ADCY2: variants seen among roughly 807,000 people sequenced by gnomAD.
ADCY2 encodes the protein adenylate cyclase 2.
ADCY2 carries 31 observed loss-of-function variants against 125.2 expected under a neutral mutation model. The ratio of observed to expected loss-of-function variants is 0.25; its 90% CI spans 0.19 to 0.33. The LOEUF is 0.33. Among genes scored for constraint, ADCY2 ranks in the 10% least tolerant of loss-of-function variants. ADCY2 has a pLI of 1.00. For synonymous variants in ADCY2, 512 were observed against 548.4 expected (o/e 0.93, Z 0.93); for missense variants, 904 against 1,418.2 (o/e 0.64, Z 5.82).
chr5:7,673,584 G>A (rs1740014149), intron 4 of ADCY2, among the ~76,000 whole-genome samples: 2 of 152,106 alleles, frequency 1.3e-5, no homozygotes. Context: ...TGCCCTGCAG[G>A]ATGCATAGCA....
At chr5:7,777,307 C>T (rs1453396245) in intron 18 of ADCY2, among the ~76,000 whole-genome samples, 1 of 152,180 alleles carries the variant, frequency 6.6e-6, no homozygotes, top group Admixed American at 6.5e-5. Context: ...TCTTCTGAAT[C>T]ATGCAGAAGA....
intron 3 of ADCY2, among the ~76,000 whole-genome samples, chr5:7,549,777 C>A (rs1406087260): frequency 6.6e-6 from 1 of 152,166 alleles, no homozygotes; most frequent in African/African-American, 2.4e-5. Flanking sequence ...AGTCCCCCGA[C>A]AAGAGGCCAG....
chr5:7,792,217 CAAAAAAAAAAAAA>C (rs57224712), intron 20 of ADCY2, among the ~76,000 whole-genome samples: 24 of 99,446 alleles, frequency 2.4e-4, no homozygotes, highest in Non-Finnish European at 3.8e-4. Context: ...ACTAAAAATA[CAAAAAAAAAAAAA>C]AAAAAAAAAA....
Position 7,653,880 on chromosome 5 carries a change from A to T in ADCY2, c.720+27564A>T, listed in dbSNP as rs150636112. 1,209 of 238,432 alleles carry T rather than the reference A, an allele frequency of 5.1e-3. 14 individuals are homozygous for T. Among genetic ancestry groups the T allele is most frequent in the African/African-American group, 0.025 (1,121 of 44,716 alleles). The allele number at this position is 238,432 out of a possible 1,614,324, so 14.8% of individuals were successfully genotyped here. On this transcript the variant is annotated intron_variant, in intron 4 of 24. Coordinates refer to ENST00000338316, the MANE Select transcript of ADCY2 (RefSeq NM_020546.3). ...AATATCATGAGCTTTCAAAAATTAT[A>T]AATTCTTACCACTCCTGGGGGAGGA... is the stretch of plus-strand genomic sequence containing the variant.
At chr5:7,752,742 GCT>G (rs1209894782) in intron 15 of ADCY2, among the ~76,000 whole-genome samples, 2 of 151,836 alleles carry the variant, frequency 1.3e-5, no homozygotes, top group African/African-American at 4.8e-5. Flanking sequence ...AGAGAAGCTG[GCT>G]GATATTTTTG....
chr5:7,574,180 T>A (rs2126604718), intron 3 of ADCY2, among the ~76,000 whole-genome samples: 1 of 121,944 alleles, frequency 8.2e-6, no homozygotes, highest in East Asian at 2.2e-4. Context: ...TTTGGGTTGG[T>A]TCCAAGTCTT....
chr5:7,736,936 G>A (rs1000699271), intron 14 of ADCY2, among the ~76,000 whole-genome samples: 8 of 152,046 alleles, frequency 5.3e-5, no homozygotes, highest in Non-Finnish European at 1.5e-5. Flanking sequence ...AAAAATTAGA[G>A]TATGGCATAA....
intron 14 of ADCY2, among the ~76,000 whole-genome samples, chr5:7,735,508 T>C (rs746537320): frequency 9.2e-5 from 14 of 152,170 alleles, no homozygotes; most frequent in Non-Finnish European, 1.6e-4. Context: ...ATTTTATTAA[T>C]AGTTTGTTGA....
chr5:7,611,246 T>G (rs1295140577), intron 3 of ADCY2: 2 of 152,206 alleles, frequency 1.3e-5, no homozygotes, highest in Admixed American at 1.3e-4. Context: ...ATAAGAAATA[T>G]ATTAAATGTT....
intron 2 of ADCY2, among the ~76,000 whole-genome samples, chr5:7,444,606 A>G (rs377453397): frequency 3.3e-5 from 5 of 152,268 alleles, no homozygotes; most frequent in African/African-American, 1.2e-4. Flanking sequence ...CAATGCTACA[A>G]TGAATAATTT....
intron 2 of ADCY2, among the ~76,000 whole-genome samples, chr5:7,442,688 A>C (rs1561027895): frequency 6.6e-6 from 1 of 152,112 alleles, no homozygotes; most frequent in Non-Finnish European, 1.5e-5. Context: ...ACTTTTCTTG[A>C]AATTATCCTG....
intron 12 of ADCY2, among the ~76,000 whole-genome samples, chr5:7,718,385 T>C (rs1398539233): frequency 6.6e-6 from 1 of 152,034 alleles, no homozygotes; most frequent in African/African-American, 2.4e-5. Flanking sequence ...CTTGACCTCA[T>C]GATCCACCCG....
chr5:7,579,144 C>T (rs1736342658), intron 3 of ADCY2, among the ~76,000 whole-genome samples: 1 of 152,072 alleles, frequency 6.6e-6, no homozygotes, highest in African/African-American at 2.4e-5. Flanking sequence ...CAATACATAT[C>T]CTGGACAAAA....
chr5:7,787,819 T>C (rs1283439453), intron 19 of ADCY2, among the ~76,000 whole-genome samples: 1 of 152,160 alleles, frequency 6.6e-6, no homozygotes, highest in African/African-American at 2.4e-5. Context: ...TTACCTGTTA[T>C]GCAATAACAA....
At chr5:7,458,221 TC>T (rs1208565275) in intron 2 of ADCY2, among the ~76,000 whole-genome samples, 1 of 152,194 alleles carries the variant, frequency 6.6e-6, no homozygotes, top group African/African-American at 2.4e-5. Flanking sequence ...AAAAATATAT[TC>T]TTAATTAATG....
intron 4 of ADCY2, among the ~76,000 whole-genome samples, chr5:7,650,931 C>G (rs1039087345): frequency 6.6e-6 from 1 of 152,108 alleles, no homozygotes; most frequent in Non-Finnish European, 1.5e-5. Context: ...ACTGACAAGA[C>G]GTTGCTCGGT....
intron 2 of ADCY2, among the ~76,000 whole-genome samples, chr5:7,488,632 G>A (rs1450264132): frequency 6.6e-6 from 1 of 152,104 alleles, no homozygotes; most frequent in Non-Finnish European, 1.5e-5. Context: ...ATTTTTTAGG[G>A]GCAATGGAGA....
intron 13 of ADCY2, among the ~76,000 whole-genome samples, chr5:7,725,761 G>A (rs1419523711): frequency 6.6e-6 from 1 of 152,194 alleles, no homozygotes; most frequent in Non-Finnish European, 1.5e-5. Context: ...TGCATAGAAT[G>A]TAATCACATT....
chr5:7,464,170 AG>A (rs1186348845), intron 2 of ADCY2, among the ~76,000 whole-genome samples: 1 of 151,876 alleles, frequency 6.6e-6, no homozygotes, highest in East Asian at 1.9e-4. Flanking sequence ...CTTCATTGTA[AG>A]CTGTTTGAGG....
Sources: gnomAD v4.1 joint callset for allele counts (sites outside exome capture counted in the v4.1 genomes callset) on GRCh38, gnomAD v4.1.1 for gene constraint, MANE v1.5 for transcripts, NCBI Gene and HGNC (gene_info 2026-07-23, HGNC 2026-07-21) for gene names.